The following NXPE2 variants were observed in gnomAD, a reference collection of about 807,000 sequenced individuals.
The protein encoded by NXPE2 is NXPE family member 2.
A neutral mutation model predicts 34.4 loss-of-function variants in NXPE2; 34 were observed. The ratio of observed to expected loss-of-function variants is 0.99; its 90% confidence interval spans 0.75 to 1.31. The LOEUF is 1.31. NXPE2 is among the 40% of genes most tolerant of loss of function. The pLI, the probability that NXPE2 is intolerant of heterozygous loss-of-function variation, is 0.00. For missense variants in NXPE2, 649 were observed against 672.5 expected, an observed-to-expected ratio of 0.97 and a Z score of 0.39; for synonymous variants, 235 against 231.3, an observed-to-expected ratio of 1.02 and a Z score of -0.15.
the NXPE2 span, among the ~76,000 whole-genome samples, chr11:114,562,493 A>G: frequency 1.3e-5 from 2 of 152,210 alleles, no homozygotes; most frequent in Non-Finnish European, 2.9e-5. Context: ...AAAGACAGAA[A>G]TACTATTATT....
At chr11:114,725,976 A>AAATATATATATATATATATAT in the NXPE2 span, among the ~76,000 whole-genome samples, 15 of 101,754 alleles carry the variant, frequency 1.5e-4, 1 homozygote, top group East Asian at 1.1e-3. Context: ...ATAAAAAAAA[A>AAATATATATATATATATATAT]ATATATATAT....
chr11:114,665,974 A>G, the NXPE2 span, among the ~76,000 whole-genome samples: 1 of 152,132 alleles, frequency 6.6e-6, no homozygotes, highest in East Asian at 1.9e-4. Flanking sequence ...GGTAGGGGGC[A>G]GGGTTAGGAG....
the NXPE2 span, among the ~76,000 whole-genome samples, chr11:114,579,167 A>G: frequency 1.3e-5 from 2 of 152,178 alleles, no homozygotes; most frequent in Non-Finnish European, 2.9e-5. Flanking sequence ...CCAGTGTGTC[A>G]CATGGTGAGA....
chr11:114,570,419 C>T, the NXPE2 span, among the ~76,000 whole-genome samples: 1 of 152,122 alleles, frequency 6.6e-6, no homozygotes, highest in Non-Finnish European at 1.5e-5. Flanking sequence ...CAGATTAGAG[C>T]CTAGTATCAG....
chr11:114,669,397 T>C, the NXPE2 span, among the ~76,000 whole-genome samples: 1 of 152,068 alleles, frequency 6.6e-6, no homozygotes, highest in Non-Finnish European at 1.5e-5. Context: ...GAAGACTTCA[T>C]CTTCCCTGAC....
chr11:114,597,016 T>C, the NXPE2 span, among the ~76,000 whole-genome samples: 3 of 152,194 alleles, frequency 2.0e-5, no homozygotes, highest in Non-Finnish European at 2.9e-5. Flanking sequence ...ATAGTGTATA[T>C]GTATAACAAC....
chr11:114,651,726 TAC>T, the NXPE2 span, among the ~76,000 whole-genome samples: 23 of 152,264 alleles, frequency 1.5e-4, no homozygotes, highest in African/African-American at 5.5e-4. Flanking sequence ...AACCTTTAGT[TAC>T]ACACAGAGCG....
chr11:114,491,022 C>T, the NXPE2 span, among the ~76,000 whole-genome samples: 73 of 149,788 alleles, frequency 4.9e-4, no homozygotes, highest in Non-Finnish European at 7.4e-4. Context: ...ATTAGCCGGG[C>T]GCGGTGGCGG....
the NXPE2 span, among the ~76,000 whole-genome samples, chr11:114,502,212 A>T: frequency 6.6e-6 from 1 of 151,918 alleles, no homozygotes; most frequent in African/African-American, 2.4e-5. Context: ...CTAGGTGTAG[A>T]TTTACTTCTC....
the NXPE2 span, among the ~76,000 whole-genome samples, chr11:114,748,163 T>A: frequency 2.0e-5 from 3 of 152,270 alleles, no homozygotes; most frequent in Admixed American, 1.3e-4. Flanking sequence ...TCTTTCTTTT[T>A]TATTAATATT....
At chr11:114,800,384 C>T in the NXPE2 span, among the ~76,000 whole-genome samples, 70 of 152,184 alleles carry the variant, frequency 4.6e-4, no homozygotes, top group Non-Finnish European at 8.8e-4. Flanking sequence ...TCTAAAGCTA[C>T]GCTACAATAA....
At chr11:114,587,653 G>T in the NXPE2 span, among the ~76,000 whole-genome samples, 1 of 152,322 alleles carries the variant, frequency 6.6e-6, no homozygotes, top group Admixed American at 6.5e-5. Context: ...GGCTCAGGGC[G>T]CCAAGGAGGG....
At chr11:114,506,726 T>A in the NXPE2 span, among the ~76,000 whole-genome samples, 3 of 152,138 alleles carry the variant, frequency 2.0e-5, no homozygotes, top group Non-Finnish European at 2.9e-5. Context: ...GGGACACAGC[T>A]AAGGCAGTGT....
chr11:114,707,487 C>G (rs751918534), downstream of NXPE2: 1 of 345,040 alleles, frequency 2.9e-6, no homozygotes, highest in Non-Finnish European at 5.9e-6. Flanking sequence ...CTCTGCCTCC[C>G]GGGTTCAAGC....
chr11:114,711,557 A>C (rs1321345207), downstream of NXPE2, among the ~76,000 whole-genome samples: 1 of 152,186 alleles, frequency 6.6e-6, no homozygotes, highest in Non-Finnish European at 1.5e-5. Flanking sequence ...CAATATACTT[A>C]ATTAAGGAGA....
At chr11:114,555,818 T>A in the NXPE2 span, among the ~76,000 whole-genome samples, 3 of 152,238 alleles carry the variant, frequency 2.0e-5, no homozygotes, top group Non-Finnish European at 4.4e-5. Context: ...GACTTATGAT[T>A]ATGTTTTTGA....
At chr11:114,730,585 TG>T in the NXPE2 span, among the ~76,000 whole-genome samples, 2 of 152,186 alleles carry the variant, frequency 1.3e-5, no homozygotes, top group Non-Finnish European at 2.9e-5. Context: ...ATTAGTGTTT[TG>T]TAGTTCTTCT....
chr11:114,730,130 G>A, the NXPE2 span, among the ~76,000 whole-genome samples: 1 of 152,260 alleles, frequency 6.6e-6, no homozygotes, highest in Middle Eastern at 3.4e-3. Context: ...TGGCTAGCCA[G>A]TTATCCCAGC....
At chr11:114,673,716 G>A (rs1376276055), upstream of NXPE2, among the ~76,000 whole-genome samples, 1 of 151,822 alleles carries the variant, frequency 6.6e-6, no homozygotes, top group Non-Finnish European at 1.5e-5. Context: ...TGGGAATTGA[G>A]TCATGCAATA....
Sources: allele counts gnomAD v4.1 joint callset (sites outside exome capture counted in the v4.1 genomes callset), GRCh38; gene constraint gnomAD v4.1.1; transcripts MANE v1.5; gene names NCBI Gene and HGNC (gene_info 2026-07-23, HGNC 2026-07-21).